The following PKIB variants were observed in gnomAD, a reference collection of about 807,000 sequenced individuals.
PKIB encodes PKI-beta.
PKIB carries 2 observed loss-of-function variants against 4.5 expected under a neutral mutation model. That is an observed-to-expected ratio of 0.44 (90% CI 0.18 to 1.39). The LOEUF (loss-of-function observed/expected upper bound fraction) is 1.39, where lower values mean the gene tolerates loss of function less well. Ranked by LOEUF, PKIB falls within the 40% of genes most tolerant of loss-of-function variation. The pLI is 0.27. For missense variants in PKIB, 94 were observed against 92.6 expected, an observed-to-expected ratio of 1.02 and a Z score of -0.06; for synonymous variants, 38 against 36.0, an observed-to-expected ratio of 1.06 and a Z score of -0.20.
intron 3 of PKIB, among the ~76,000 whole-genome samples, chr6:122,696,926 CCT>C (rs1778600146): frequency 1.3e-5 from 2 of 152,172 alleles, no homozygotes; most frequent in African/African-American, 4.8e-5. Flanking sequence ...GTCTTAGTCA[CCT>C]CCTATTTACC....
intron 3 of PKIB, among the ~76,000 whole-genome samples, chr6:122,691,181 T>C (rs185123720): frequency 5.7e-4 from 86 of 152,210 alleles, no homozygotes; most frequent in African/African-American, 2.0e-3. Flanking sequence ...TTCAGTTAAA[T>C]ATTCTTGATA....
intron 1 of PKIB, among the ~76,000 whole-genome samples, chr6:122,615,157 A>G (rs758308979): frequency 6.6e-6 from 1 of 152,128 alleles, no homozygotes; most frequent in African/African-American, 2.4e-5. Context: ...AATTCTGTGT[A>G]TTGTAGTGAA....
At chr6:122,618,193 C>T (rs982151340) in intron 1 of PKIB, among the ~76,000 whole-genome samples, 15 of 152,026 alleles carry the variant, frequency 9.9e-5, no homozygotes, top group Non-Finnish European at 1.9e-4. Flanking sequence ...GAGAAACATA[C>T]CCAAACGATT....
At chr6:122,539,177 T>C (rs1240847207) in intron 2 of PKIB, among the ~76,000 whole-genome samples, 1 of 152,116 alleles carries the variant, frequency 6.6e-6, no homozygotes, top group Non-Finnish European at 1.5e-5. Context: ...CTTTATTTCC[T>C]TCTCCTGCCT....
intron 3 of PKIB, among the ~76,000 whole-genome samples, chr6:122,598,500 G>A (rs1774245821): frequency 6.6e-6 from 1 of 152,146 alleles, no homozygotes; most frequent in Non-Finnish European, 1.5e-5. Context: ...TTGAGTGACT[G>A]CGGTTCCCAC....
intron 2 of PKIB, among the ~76,000 whole-genome samples, chr6:122,530,267 CTG>C (rs895758399): frequency 2.6e-5 from 4 of 151,918 alleles, no homozygotes; most frequent in Admixed American, 2.6e-4. Context: ...TCCAGAATTT[CTG>C]TGTTTAAAAA....
intron 3 of PKIB, among the ~76,000 whole-genome samples, chr6:122,697,080 A>G (rs1426574769): frequency 6.6e-6 from 1 of 152,208 alleles, no homozygotes; most frequent in Non-Finnish European, 1.5e-5. Context: ...ACTCAAGAGC[A>G]GAGTGAACAA....
chr6:122,623,191 G>A (rs1347293749), intron 1 of PKIB, among the ~76,000 whole-genome samples: 2 of 152,096 alleles, frequency 1.3e-5, no homozygotes, highest in African/African-American at 4.8e-5. Flanking sequence ...TTCTTTCTGT[G>A]TAGAAAGGTC....
At chr6:122,620,156 G>A (rs115250314) in intron 1 of PKIB, among the ~76,000 whole-genome samples, 264 of 152,070 alleles carry the variant, frequency 1.7e-3, no homozygotes, top group East Asian at 7.7e-3. Context: ...ATCCTCTACC[G>A]TTTCTCATTT....
intron 2 of PKIB, among the ~76,000 whole-genome samples, chr6:122,514,649 T>C (rs1324665820): frequency 1.3e-5 from 2 of 152,224 alleles, no homozygotes; most frequent in Non-Finnish European, 1.5e-5. Flanking sequence ...TTTCCATAGA[T>C]ACCAAGATAG....
At chr6:122,473,110 CAAAA>C (rs879482914) in intron 1 of PKIB, among the ~76,000 whole-genome samples, 1 of 149,380 alleles carries the variant, frequency 6.7e-6, no homozygotes, top group Non-Finnish European at 1.5e-5. Flanking sequence ...GACTCCGTCT[CAAAA>C]AAAAAGAATA....
At chr6:122,671,670 T>C (rs1777468187) in intron 2 of PKIB, among the ~76,000 whole-genome samples, 1 of 152,242 alleles carries the variant, frequency 6.6e-6, no homozygotes, top group Non-Finnish European at 1.5e-5. Flanking sequence ...AGTTCAGGGT[T>C]AAATCTGTAT....
At chr6:122,646,889 C>T (rs1452857095) in intron 2 of PKIB, among the ~76,000 whole-genome samples, 1 of 151,876 alleles carries the variant, frequency 6.6e-6, no homozygotes, top group African/African-American at 2.4e-5. Context: ...CAAAGCTTTC[C>T]TTTTTTAATG....
intron 2 of PKIB, among the ~76,000 whole-genome samples, chr6:122,556,253 T>G (rs924668740): frequency 6.6e-6 from 1 of 152,158 alleles, no homozygotes; most frequent in Non-Finnish European, 1.5e-5. Flanking sequence ...AATTGTAAGT[T>G]TTCTGAGGCC....
chr6:122,552,278 G>A (rs6908796), intron 2 of PKIB, among the ~76,000 whole-genome samples: 22,901 of 151,994 alleles, frequency 0.15, 1,806 homozygotes, highest in East Asian at 0.26. Context: ...TAACTTCTCT[G>A]GGGCCTGGCT....
intron 2 of PKIB, among the ~76,000 whole-genome samples, chr6:122,528,030 C>T (rs1253127653): frequency 1.3e-5 from 2 of 152,018 alleles, no homozygotes; most frequent in Non-Finnish European, 2.9e-5. Flanking sequence ...AAGTTTGCTT[C>T]GTATATTTTT....
At chr6:122,583,159 G>A (rs1399362920) in intron 2 of PKIB, among the ~76,000 whole-genome samples, 5 of 151,752 alleles carry the variant, frequency 3.3e-5, no homozygotes, top group African/African-American at 4.8e-5. Flanking sequence ...TCAAACAAAC[G>A]AAGCTTTAGT....
At chr6:122,636,937 C>A (rs555980388) in intron 2 of PKIB, among the ~76,000 whole-genome samples, 1 of 152,234 alleles carries the variant, frequency 6.6e-6, no homozygotes, top group East Asian at 1.9e-4. Flanking sequence ...ATAAGAAAGA[C>A]CACATTTCAT....
intron 1 of PKIB, among the ~76,000 whole-genome samples, chr6:122,623,835 G>T (rs1355956773): frequency 4.4e-5 from 6 of 137,230 alleles, no homozygotes; most frequent in African/African-American, 1.3e-4. Flanking sequence ...TTTTAAGAGT[G>T]ATTTTTTTTT....
Sources: gnomAD v4.1 joint callset for allele counts (sites outside exome capture counted in the v4.1 genomes callset) on GRCh38, gnomAD v4.1.1 for gene constraint, MANE v1.5 for transcripts, NCBI Gene and HGNC (gene_info 2026-07-23, HGNC 2026-07-21) for gene names.